Variants in CELF6 observed in about 807,000 individuals in gnomAD.
CELF6 encodes the protein CUGBP Elav-like family member 6, also known as Bruno -like 6, RNA binding protein.
In CELF6, 32 loss-of-function variants were observed where a neutral mutation model predicts 53.1. The observed-to-expected ratio is 0.60, with a 90% CI of 0.46 to 0.81. CELF6 has a LOEUF of 0.81. CELF6 is among the 30% of genes least tolerant of loss of function. CELF6 has a pLI of 0.00. For missense variants in CELF6, 539 were observed against 669.5 expected, an observed-to-expected ratio of 0.81 and a Z score of 2.15; for synonymous variants, 291 against 288.8, an observed-to-expected ratio of 1.01 and a Z score of -0.08.
intron 2 of CELF6, among the ~76,000 whole-genome samples, chr15:72,306,766 G>A (rs1206504330): frequency 6.6e-6 from 1 of 151,808 alleles, no homozygotes; most frequent in Non-Finnish European, 1.5e-5. Flanking sequence ...AGCTTGACAG[G>A]TCTGGACTGG....
chr15:72,309,168 CT>C (rs2088266954), intron 2 of CELF6, among the ~76,000 whole-genome samples: 1 of 152,188 alleles, frequency 6.6e-6, no homozygotes, highest in South Asian at 2.1e-4. Context: ...GGACTTCATC[CT>C]TTCAAAGTGC....
Position 72,289,067 on chromosome 15 carries a change from C to A in CELF6, c.1030+71G>T. The A allele has an allele frequency of 7.4e-7, 1 of 1,342,586 alleles. No individual in the cohort carries two copies. 83.2% of individuals were successfully genotyped at this position (1,342,586 alleles called of 1,614,324 possible). A position where few individuals can be genotyped will look rare whatever the true frequency, so the allele number is the denominator to read the frequency against. ...GGAGGGGGATCTCTTCCCAGGGAAG[C>A]CAGGCCCTAACCCCCCACCCCCCGC... On this transcript the variant is annotated intron_variant, in intron 8 of 12. Transcript: ENST00000287202. This position sits in a 1 kb window ranked among gnomAD's most constrained non-coding sequence, Gnocchi z 7.6.
rs77691199 is a variant in CELF6 at position 72,317,655 on chromosome 15, T to C, written c.263-1728A>G. On this transcript the variant is annotated intron_variant, in intron 1 of 12. Transcript: ENST00000287202. ...GGAGAGGATGAGGAAGATGTTGACT[T>C]GGAGACCCTCTACAATCATCTTGGA... Among the ~76,000 whole-genome samples, 1,464 of 152,220 alleles carry C rather than the reference T, an allele frequency of 9.6e-3. 28 individuals carry two copies. The highest frequency in any genetic ancestry group is 0.033 in the African/African-American group (1,365 of 41,530).
intron 12 of CELF6, 46 bp downstream of exon 12, chr15:72,287,191 C>G (rs2087933140): frequency 6.5e-6 from 10 of 1,541,908 alleles, no homozygotes; most frequent in Non-Finnish European, 8.8e-6. Context: ...GCTGGGAGGG[C>G]CTCATCACTC....
intron 3 of CELF6, among the ~76,000 whole-genome samples, chr15:72,299,075 G>A (rs549080376): frequency 7.9e-5 from 12 of 151,928 alleles, no homozygotes; most frequent in African/African-American, 2.9e-4. Flanking sequence ...GGGTGCGGTA[G>A]CAGGCGCCTC....
chr15:72,311,528 G>A (rs1026708581), intron 2 of CELF6, among the ~76,000 whole-genome samples: 1 of 149,684 alleles, frequency 6.7e-6, no homozygotes, highest in Non-Finnish European at 1.5e-5. Flanking sequence ...TCAGCCTCCC[G>A]AGTAGCTGGG....
At chr15:72,304,888 C>T in intron 2 of CELF6, 94 bp from the exon 3 acceptor site, 1 of 1,132,112 alleles carries the variant, frequency 8.8e-7, no homozygotes, top group Non-Finnish European at 1.3e-6. Flanking sequence ...GGATCTGAGC[C>T]CTAGCCCCTT....
chr15:72,309,663 G>C (rs754139905), intron 2 of CELF6, among the ~76,000 whole-genome samples: 10 of 152,186 alleles, frequency 6.6e-5, no homozygotes, highest in Non-Finnish European at 1.3e-4. Flanking sequence ...AGGAGAAAGA[G>C]AGCTGCCCCC....
chr15:72,316,071 C>A, intron 1 of CELF6, 144 bp from the exon 2 acceptor site: 1 of 598,074 alleles, frequency 1.7e-6, no homozygotes, highest in Non-Finnish European at 2.9e-6. Context: ...TGCCTCCCAC[C>A]TCTGGAGGGA....
intron 3 of CELF6, among the ~76,000 whole-genome samples, chr15:72,299,987 G>A (rs1163575284): frequency 6.6e-6 from 1 of 152,244 alleles, no homozygotes; most frequent in Admixed American, 6.5e-5. Flanking sequence ...CCATCAGGCA[G>A]ATCCTGGTGT....
chr15:72,312,492 G>A (rs953108413), intron 2 of CELF6, among the ~76,000 whole-genome samples: 1 of 152,090 alleles, frequency 6.6e-6, no homozygotes, highest in Admixed American at 6.5e-5. Context: ...AGCTTGGCGC[G>A]GTGATGGGTG....
At chr15:72,290,045 G>A (rs757661728) in intron 4 of CELF6, 27 bp from the exon 5 acceptor site, 3 of 1,612,902 alleles carry the variant, frequency 1.9e-6, no homozygotes, top group Non-Finnish European at 2.5e-6. Flanking sequence ...GGAGCGGGTG[G>A]CTCAGGCCAC....
chr15:72,315,968 C>T lies in CELF6; in HGVS notation c.263-41G>A, dbSNP rs118123920. The T allele has an allele frequency of 5.9e-6, 8 of 1,359,072 alleles. No individual in the cohort carries two copies. In the East Asian group the frequency reaches 1.7e-4, roughly 29 times the overall value. The allele number at this position is 1,359,072 out of a possible 1,614,324, so 84.2% of individuals were successfully genotyped here. A position where few individuals can be genotyped will look rare whatever the true frequency, so the allele number is the denominator to read the frequency against. On this transcript the variant is annotated intron_variant, in intron 1 of 12. Transcript: ENST00000287202. ...CTGGCTCAGGGGGTTTCCTGAAACC[C>T]CCAACTATTCTTCTTCGAAATACCC... is the stretch of plus-strand genomic sequence containing the variant.
intron 2 of CELF6, among the ~76,000 whole-genome samples, chr15:72,311,176 T>A (rs1051777360): frequency 4.6e-5 from 7 of 151,904 alleles, no homozygotes; most frequent in Non-Finnish European, 1.0e-4. Context: ...TATTTTTGTA[T>A]TTTTAGTAGA....
In CELF6 at chr15:72,288,916, C is replaced by G. The variant is rs998141208; in HGVS notation, c.1045G>C (p.Val349Leu). 49 of 1,550,564 alleles carry G rather than the reference C, an allele frequency of 3.2e-5. No individual in the cohort carries two copies. The highest frequency in any genetic ancestry group is 5.9e-5 in the South Asian group (5 of 84,064). ...TAGGCCTGCTGCAGGGGGTCAGCCA[C>G]GCCGGGGCTCTGGGCTGGGGAGAGA... ...LSPYPAQSPGVADPLQQAYAG... is the reference protein window; with the variant it reads ...LSPYPAQSPGLADPLQQAYAG... The change falls in exon 9 of 13, where the codon GTG becomes CTG. Residue 349 changes from valine to leucine, a missense_variant. Physicochemically the swap from Val to Leu is conservative, Grantham distance 32. This residue lies in a region of CELF6 where 358 missense variants were observed against 412.8 expected (regional missense o/e 0.87). Coordinates refer to ENST00000287202, the MANE Select transcript of CELF6 (RefSeq NM_052840.5). The surrounding 1 kb of genome is among the most constrained non-coding windows in gnomAD (Gnocchi z 4.6).
Position 72,310,546 on chromosome 15 carries a change from C to CTT in CELF6, c.345+5297_345+5298dup, listed in dbSNP as rs11400175. 5.2e-3 allele frequency among the ~76,000 whole-genome samples: 718 copies of CTT among 138,318 alleles called. 11 individuals carry two copies. Among genetic ancestry groups the CTT allele is most frequent in the Non-Finnish European group, 7.5e-3 (481 of 64,498 alleles). 90.7% of individuals were successfully genotyped at this position (138,318 alleles called of 152,430 possible). A position where few individuals can be genotyped will look rare whatever the true frequency, so the allele number is the denominator to read the frequency against. On this transcript the variant is annotated intron_variant, in intron 2 of 12. Coordinates refer to ENST00000287202, the MANE Select transcript of CELF6 (RefSeq NM_052840.5). ...TTCTTCACACCATAGCCAGAGTAAT[C>CTT]TTTTTTTTTTTTTTTTGAGACAGCG...
intron 3 of CELF6, among the ~76,000 whole-genome samples, chr15:72,295,395 G>A (rs2088064744): frequency 6.6e-6 from 1 of 151,626 alleles, no homozygotes; most frequent in African/African-American, 2.4e-5. Flanking sequence ...AACCCAGGAG[G>A]TGAAAGACTC....
chr15:72,285,300 T>G lies in CELF6; in HGVS notation c.*1071A>C, dbSNP rs1411348237. ...CTGAAGCTTCTACATATTGAAAAAT[T>G]TCCCCTTCTCAATGGCAGTATATAC... On this transcript the variant is annotated 3_prime_UTR_variant, in exon 13 of 13. Transcript: ENST00000287202. 1 of 152,642 alleles carries G rather than the reference T, an allele frequency of 6.6e-6. No individual in the cohort carries two copies. The highest frequency in any genetic ancestry group is 1.5e-5 in the Non-Finnish European group (1 of 68,048). The allele number at this position is 152,642 out of a possible 1,614,324, so 9.5% of individuals were successfully genotyped here.
At chr15:72,287,483 C>T in intron 11 of CELF6, 91 bp from the exon 12 acceptor site, 2 of 1,476,246 alleles carry the variant, frequency 1.4e-6, no homozygotes, top group South Asian at 2.4e-5. Context: ...CCAGCCCCGT[C>T]AGGCCAGTTC....
Sources: allele counts gnomAD v4.1 joint callset (sites outside exome capture counted in the v4.1 genomes callset), GRCh38; gene constraint gnomAD v4.1.1; regional missense constraint gnomAD v4.1.1; non-coding constraint Gnocchi (gnomAD v3.1); transcripts MANE v1.5; gene names NCBI Gene and HGNC (gene_info 2026-07-23, HGNC 2026-07-21).